Variants in GFPT1 observed in about 807,000 individuals in gnomAD.
The protein encoded by GFPT1 is glutamine--fructose-6-phosphate aminotransferase [isomerizing] 1.
GFPT1 carries 40 observed loss-of-function variants against 92.0 expected under a neutral mutation model. The observed-to-expected ratio is 0.43, with a 90% CI of 0.34 to 0.57. The LOEUF is 0.57. Among genes scored for constraint, GFPT1 ranks in the 20% least tolerant of loss-of-function variants. The pLI is 0.02. For missense variants in GFPT1, 448 were observed against 869.1 expected (o/e 0.52, Z 6.09); for synonymous variants, 269 against 280.6 (o/e 0.96, Z 0.41).
Position 69,320,788 on chromosome 2 carries a change from A to C in GFPT1, c.*5401T>G, listed in dbSNP as rs1238579070. Reference sequence around the variant, plus strand: ...GGGCAACAGAGCAAAACTCCATCTCAAAAAAAAAAAAAAGAAGCCTCTGGA... The same window carrying C: ...GGGCAACAGAGCAAAACTCCATCTCCAAAAAAAAAAAAAGAAGCCTCTGGA... On this transcript the variant is annotated 3_prime_UTR_variant, in exon 20 of 20. Coordinates refer to ENST00000357308, the MANE Select transcript of GFPT1 (RefSeq NM_001244710.2). 1 of 140,180 alleles carries C rather than the reference A, an allele frequency of 7.1e-6. No homozygotes were observed. The highest frequency in any genetic ancestry group is 1.5e-5 in the Non-Finnish European group (1 of 65,042). 8.7% of individuals were successfully genotyped at this position (140,180 alleles called of 1,614,324 possible). A position where few individuals can be genotyped will look rare whatever the true frequency, so the allele number is the denominator to read the frequency against.
chr2:69,368,028 C>T (rs911607250), intron 3 of GFPT1, among the ~76,000 whole-genome samples: 7 of 152,144 alleles, frequency 4.6e-5, no homozygotes, highest in Admixed American at 6.5e-5. Flanking sequence ...GAGGGTGGAT[C>T]GCCTGAGGTC....
At chr2:69,372,866 A>G (rs1367246720) in intron 2 of GFPT1, among the ~76,000 whole-genome samples, 1 of 152,216 alleles carries the variant, frequency 6.6e-6, no homozygotes, top group Non-Finnish European at 1.5e-5. Flanking sequence ...GCCTGTTTTC[A>G]AGGTTGGCCC....
chr2:69,385,523 C>T (rs116596910), intron 1 of GFPT1, among the ~76,000 whole-genome samples: 1,872 of 140,282 alleles, frequency 0.013, 45 homozygotes, highest in African/African-American at 0.05. Flanking sequence ...CCACGCCCAG[C>T]GCTGATTTAT....
chr2:69,325,907 TGCAA>T lies in GFPT1; in HGVS notation c.*278_*281del. ...CAGATTGAAGTGGAGGGTCCAGAAA[TGCAA>T]CACCCAGCATTCTTTAAAGAAAATA... On this transcript the variant is annotated 3_prime_UTR_variant, in exon 20 of 20. Coordinates refer to ENST00000357308, the MANE Select transcript of GFPT1 (RefSeq NM_001244710.2). 2 of 355,502 alleles carry T rather than the reference TGCAA, an allele frequency of 5.6e-6. No homozygotes were observed. The highest frequency in any genetic ancestry group is 5.1e-6 in the Non-Finnish European group (1 of 196,056). 22.0% of individuals were successfully genotyped at this position (355,502 alleles called of 1,614,324 possible).
At chr2:69,384,733 G>C (rs1173479410) in intron 1 of GFPT1, among the ~76,000 whole-genome samples, 1 of 120,892 alleles carries the variant, frequency 8.3e-6, no homozygotes, top group African/African-American at 3.0e-5. Context: ...AGAAAGAAAA[G>C]AAAGAAGAGA....
chr2:69,326,261 G>T, intron 19 of GFPT1, 28 bp from the exon 20 acceptor site: 3 of 1,482,882 alleles, frequency 2.0e-6, no homozygotes, highest in South Asian at 1.2e-5. Flanking sequence ...AAAAAAGCAA[G>T]ATTTGAGAGA....
chr2:69,333,003 C>T (rs1378614468), intron 15 of GFPT1, among the ~76,000 whole-genome samples: 3 of 152,192 alleles, frequency 2.0e-5, no homozygotes, highest in African/African-American at 7.2e-5. Context: ...TCCTCCACAA[C>T]TGCCTCCCTG....
chr2:69,358,249 C>T (rs1671387887), intron 6 of GFPT1, 80 bp downstream of exon 6: 3 of 1,218,200 alleles, frequency 2.5e-6, no homozygotes, highest in Non-Finnish European at 3.6e-6. Context: ...TAGCACAGTT[C>T]CTGCTTATCA....
chr2:69,376,641 C>T (rs1671878413), intron 1 of GFPT1, among the ~76,000 whole-genome samples: 1 of 152,274 alleles, frequency 6.6e-6, no homozygotes, highest in South Asian at 2.1e-4. Context: ...AGAAGCCTGT[C>T]GAGGATTGTT....
chr2:69,350,248 C>A, intron 9 of GFPT1, 65 bp from the exon 10 acceptor site: 1 of 1,006,332 alleles, frequency 9.9e-7, no homozygotes, highest in East Asian at 2.4e-5. Flanking sequence ...TAGAAATATG[C>A]ATAATATTCT....
intron 2 of GFPT1, among the ~76,000 whole-genome samples, chr2:69,370,974 TG>T (rs1462482983): frequency 6.6e-6 from 1 of 151,300 alleles, no homozygotes; most frequent in Non-Finnish European, 1.5e-5. Context: ...CATTCCAGCC[TG>T]GGCGACAGAG....
intron 1 of GFPT1, among the ~76,000 whole-genome samples, 171 bp from the exon 2 acceptor site, chr2:69,374,284 A>C (rs1018660197): frequency 6.6e-6 from 1 of 151,604 alleles, no homozygotes; most frequent in African/African-American, 2.4e-5. Context: ...AGTATAAAAA[A>C]CTAAACATGT....
rs868653554 is a variant in GFPT1 at position 69,384,709 on chromosome 2, A to G, written c.7+2356T>C. On this transcript the variant is annotated intron_variant, in intron 1 of 19. Transcript: ENST00000357308. ...GCCCCGTCACAAAAAAAAAAAAAAA[A>G]AAAGAAAAAAGAAAGAAAGAAAAGA... is the stretch of plus-strand genomic sequence containing the variant. Among the ~76,000 whole-genome samples, 112 of 148,726 alleles carry G rather than the reference A, an allele frequency of 7.5e-4. 1 individual carries two copies. Among genetic ancestry groups the G allele is most frequent in the Admixed American group, 1.7e-3 (26 of 14,972 alleles).
At chr2:69,349,479 A>C (rs1419279886) in intron 10 of GFPT1, among the ~76,000 whole-genome samples, 2 of 152,036 alleles carry the variant, frequency 1.3e-5, no homozygotes, top group Admixed American at 6.6e-5. Context: ...TCTTATTTTT[A>C]TTATTTTCTC....
intron 15 of GFPT1, among the ~76,000 whole-genome samples, chr2:69,336,339 CAAA>C (rs61141681): frequency 4.1e-5 from 4 of 98,074 alleles, no homozygotes; most frequent in Non-Finnish European, 7.9e-5. Context: ...AGTCTGTCTC[CAAA>C]AAAAAAAAAA....
intron 3 of GFPT1, among the ~76,000 whole-genome samples, chr2:69,369,488 G>A (rs1671691373): frequency 6.6e-6 from 1 of 152,186 alleles, no homozygotes; most frequent in Non-Finnish European, 1.5e-5. Flanking sequence ...AATCCTCTTT[G>A]ATGGGGCATA....
Position 69,324,233 on chromosome 2 carries a change from G to A in GFPT1, c.*1956C>T, listed in dbSNP as rs955946756. 3 of 152,082 alleles carry A rather than the reference G, an allele frequency of 2.0e-5. No homozygotes were observed. The highest frequency in any genetic ancestry group is 7.2e-5 in the African/African-American group (3 of 41,402). 9.4% of individuals were successfully genotyped at this position (152,082 alleles called of 1,614,324 possible). A position where few individuals can be genotyped will look rare whatever the true frequency, so the allele number is the denominator to read the frequency against. Reference sequence around the variant, plus strand: ...TGTGTGTGTACACATGTGCTTTATAGAAAGACACACACAGAGGGAGACAGA... The same window carrying A: ...TGTGTGTGTACACATGTGCTTTATAAAAAGACACACACAGAGGGAGACAGA... On this transcript the variant is annotated 3_prime_UTR_variant, in exon 20 of 20. Coordinates refer to ENST00000357308, the MANE Select transcript of GFPT1 (RefSeq NM_001244710.2).
chr2:69,328,248 G>A, intron 18 of GFPT1, 23 bp downstream of exon 18: 1 of 1,596,158 alleles, frequency 6.3e-7, no homozygotes, highest in African/African-American at 1.3e-5. Context: ...TCCCCAAGGT[G>A]TTCTCACAGT....
intron 2 of GFPT1, among the ~76,000 whole-genome samples, chr2:69,373,031 G>A (rs1054071098): frequency 1.3e-5 from 2 of 152,190 alleles, no homozygotes; most frequent in African/African-American, 4.8e-5. Flanking sequence ...GGCAGAGGGT[G>A]CCTATGTGAC....
Sources: gnomAD v4.1 joint callset for allele counts (sites outside exome capture counted in the v4.1 genomes callset) on GRCh38, gnomAD v4.1.1 for gene constraint, MANE v1.5 for transcripts, NCBI Gene and HGNC (gene_info 2026-07-23, HGNC 2026-07-21) for gene names.